Variants in TRDN observed in about 807,000 individuals in gnomAD.
The protein encoded by TRDN is triadin in skeletal muscle.
Under a neutral mutation model 149.7 loss-of-function variants are expected in TRDN, and 161 were observed. The ratio of observed to expected loss-of-function variants is 1.08; its 90% CI spans 0.95 to 1.23. The LOEUF is 1.23. Ranked by LOEUF, TRDN falls within the 50% of genes most tolerant of loss-of-function variation. The probability of loss-of-function intolerance (pLI) is 0.00; values close to 1 mark genes in which losing one functional copy is unlikely to be tolerated. For synonymous variants in TRDN, 294 were observed against 250.5 expected, an observed-to-expected ratio of 1.17 and a Z score of -1.64; for missense variants, 896 against 823.5, an observed-to-expected ratio of 1.09 and a Z score of -1.08.
In TRDN at chr6:123,528,580, C is replaced by A. The variant is rs1036434066; in HGVS notation, c.484+1926G>T. Reference sequence around the variant, plus strand: ...TCTTTTCTTCTAAGGGTTCAAAATGCTTTGATAATAACTTAAATTCCTAAC... The same window carrying A: ...TCTTTTCTTCTAAGGGTTCAAAATGATTTGATAATAACTTAAATTCCTAAC... On this transcript the variant is annotated intron_variant, in intron 5 of 40. Coordinates refer to ENST00000334268, the MANE Select transcript of TRDN (RefSeq NM_006073.4). 3.3e-5 allele frequency: 31 copies of A among 947,264 alleles called. No homozygotes were observed. The African/African-American group carries it at 5.3e-4, about 16-fold the overall frequency. 58.7% of individuals were successfully genotyped at this position (947,264 alleles called of 1,614,324 possible). A position where few individuals can be genotyped will look rare whatever the true frequency, so the allele number is the denominator to read the frequency against.
intron 2 of TRDN, among the ~76,000 whole-genome samples, chr6:123,562,586 CT>C (rs1039061679): frequency 6.6e-5 from 10 of 152,130 alleles, no homozygotes; most frequent in African/African-American, 2.4e-4. Context: ...GAAATAATGT[CT>C]GTTTATAAGC....
At chr6:123,444,003 G>A (rs113430481) in intron 10 of TRDN, among the ~76,000 whole-genome samples, 4,602 of 151,064 alleles carry the variant, frequency 0.03, 94 homozygotes, top group Non-Finnish European at 0.047. Flanking sequence ...GGCGATGTAG[G>A]CTCTTTTTTG....
intron 15 of TRDN, 147 bp downstream of exon 15, chr6:123,381,971 C>G: frequency 1.9e-6 from 1 of 539,080 alleles, no homozygotes; most frequent in Non-Finnish European, 3.0e-6. Context: ...CTCTCTCTCT[C>G]TCTCTCTCTC....
rs75802483 is a variant in TRDN at position 123,496,891 on chromosome 6, A to G, written c.853+302T>C. Among the ~76,000 whole-genome samples, 522 of 152,216 alleles carry G rather than the reference A, an allele frequency of 3.4e-3. 24 individuals carry two copies. In the East Asian group the frequency reaches 0.092, roughly 27 times the overall value. On this transcript the variant is annotated intron_variant, in intron 9 of 40. Transcript: ENST00000334268. The stretch of plus-strand genomic sequence containing the variant: ...TTCTTCTAAGTTTACCAAGAATAAA[A>G]TAAGATGATTCACTGCTTCACTTCA...
chr6:123,608,329 T>A (rs934106998), intron 1 of TRDN, among the ~76,000 whole-genome samples: 12 of 152,194 alleles, frequency 7.9e-5, no homozygotes, highest in Non-Finnish European at 1.6e-4. Context: ...TGTCAGTCAC[T>A]TGCAATTCTA....
chr6:123,353,541 G>A (rs1780546797), intron 20 of TRDN, among the ~76,000 whole-genome samples: 1 of 151,704 alleles, frequency 6.6e-6, no homozygotes, highest in African/African-American at 2.4e-5. Context: ...AATACAGGAT[G>A]TATAGAACAT....
In TRDN at chr6:123,252,495, A is replaced by G. The variant is rs1252825030; in HGVS notation, c.1952-60T>C. The G allele has an allele frequency of 6.8e-6, 6 of 881,782 alleles. No homozygotes were observed. In the Admixed American group the frequency reaches 1.3e-4, roughly 20 times the overall value. The allele number at this position is 881,782 out of a possible 1,614,324, so 54.6% of individuals were successfully genotyped here. Reference sequence around the variant, plus strand: ...GAGATAAAATGCAAGGAAATTATAAATCAGTGGACTTTATAAAAATATCTA... The same window carrying G: ...GAGATAAAATGCAAGGAAATTATAAGTCAGTGGACTTTATAAAAATATCTA... On this transcript the variant is annotated intron_variant, in intron 37 of 40. Transcript: ENST00000334268.
chr6:123,319,740 T>C (rs1043375778), intron 23 of TRDN, among the ~76,000 whole-genome samples: 1 of 152,142 alleles, frequency 6.6e-6, no homozygotes, highest in African/African-American at 2.4e-5. Context: ...CGTACAAGCA[T>C]TGGGGAAATA....
intron 20 of TRDN, among the ~76,000 whole-genome samples, chr6:123,360,147 A>C (rs1486100994): frequency 6.6e-6 from 1 of 152,210 alleles, no homozygotes; most frequent in African/African-American, 2.4e-5. Flanking sequence ...CCCAGCATGC[A>C]TTAGCTATTG....
intron 2 of TRDN, among the ~76,000 whole-genome samples, chr6:123,555,791 A>G (rs61384043): frequency 0.032 from 4,942 of 152,242 alleles, 109 homozygotes; most frequent in African/African-American, 0.066. Context: ...GGAAGAACTG[A>G]CTAACTGATA....
At chr6:123,356,089 T>A (rs981819473) in intron 20 of TRDN, among the ~76,000 whole-genome samples, 1 of 151,818 alleles carries the variant, frequency 6.6e-6, no homozygotes, top group African/African-American at 2.4e-5. Context: ...ATTTCTTACT[T>A]CTCTATTTGC....
At chr6:123,443,995 C>A (rs1016421696) in intron 10 of TRDN, among the ~76,000 whole-genome samples, 1 of 150,898 alleles carries the variant, frequency 6.6e-6, no homozygotes, top group Admixed American at 6.6e-5. Context: ...ATTGACTTGG[C>A]GATGTAGGCT....
intron 9 of TRDN, among the ~76,000 whole-genome samples, chr6:123,474,397 C>T (rs1777352981): frequency 6.6e-6 from 1 of 152,176 alleles, no homozygotes; most frequent in South Asian, 2.1e-4. Context: ...ATATATGCAC[C>T]CAATACAGGA....
intron 31 of TRDN, among the ~76,000 whole-genome samples, 161 bp from the exon 32 acceptor site, chr6:123,267,912 A>T (rs1265171398): frequency 6.6e-6 from 1 of 152,112 alleles, no homozygotes; most frequent in Non-Finnish European, 1.5e-5. Context: ...TAAAAAAATT[A>T]TAAACAGGGT....
chr6:123,221,007 G>T (rs943460313), intron 40 of TRDN, among the ~76,000 whole-genome samples: 1 of 151,726 alleles, frequency 6.6e-6, no homozygotes, highest in Non-Finnish European at 1.5e-5. Context: ...TAAAATAAAT[G>T]ATCCCAAAGT....
chr6:123,634,051 C>T (rs759029329), intron 1 of TRDN, among the ~76,000 whole-genome samples: 3 of 151,758 alleles, frequency 2.0e-5, no homozygotes, highest in African/African-American at 4.8e-5. Flanking sequence ...TGTGTGTGTG[C>T]GTGATAAATG....
chr6:123,498,300 C>T (rs1223479880), intron 8 of TRDN: 1 of 271,294 alleles, frequency 3.7e-6, no homozygotes, highest in Non-Finnish European at 7.5e-6. Flanking sequence ...AACAGATACA[C>T]CTCTAAGGAT....
intron 4 of TRDN, among the ~76,000 whole-genome samples, chr6:123,539,110 T>C (rs1464643628): frequency 6.6e-6 from 1 of 152,176 alleles, no homozygotes; most frequent in Non-Finnish European, 1.5e-5. Flanking sequence ...ACTCAAATGT[T>C]ATTAATTTGT....
At chr6:123,534,340 G>T (rs575581054) in intron 4 of TRDN, among the ~76,000 whole-genome samples, 1 of 152,282 alleles carries the variant, frequency 6.6e-6, no homozygotes, top group South Asian at 2.1e-4. Context: ...GACTTAAGGA[G>T]AAATTAAATG....
Sources: allele counts gnomAD v4.1 joint callset (sites outside exome capture counted in the v4.1 genomes callset), GRCh38; gene constraint gnomAD v4.1.1; transcripts MANE v1.5; gene names NCBI Gene and HGNC (gene_info 2026-07-23, HGNC 2026-07-21).